ZNF135: variants seen among roughly 807,000 people sequenced by gnomAD.
ZNF135 encodes zinc finger protein 135.
Under a neutral mutation model 12.3 loss-of-function variants are expected in ZNF135, and 11 were observed. That is an observed-to-expected ratio of 0.89 (90% CI 0.56 to 1.48). The LOEUF (loss-of-function observed/expected upper bound fraction) is 1.48. Ranked by LOEUF, ZNF135 falls within the 40% of genes most tolerant of loss-of-function variation. ZNF135 has a pLI of 0.00. For synonymous variants in ZNF135, 316 were observed against 312.0 expected, an observed-to-expected ratio of 1.01 and a Z score of -0.14; for missense variants, 722 against 815.7, an observed-to-expected ratio of 0.89 and a Z score of 1.40.
chr19:58,066,826 A>C lies in ZNF135; in HGVS notation c.342A>C (p.Glu114Asp). Residue 114 changes from glutamate to aspartate, a missense_variant, in exon 5 of 5, where the codon GAA becomes GAC. Physicochemically the swap from Glu to Asp is conservative, Grantham distance 45. Transcript: ENST00000313434. ...EEISNSVILV[E>D]RFLWDGLWYC... Reference sequence around the variant, plus strand: ...TATCCAACAGTGTCATCTTGGTAGAAAGATTCCTGTGGGATGGTCTGTGGT... The same window carrying C: ...TATCCAACAGTGTCATCTTGGTAGACAGATTCCTGTGGGATGGTCTGTGGT... 6.2e-7 allele frequency: 1 copy of C among 1,614,216 alleles called. No individual in the cohort carries two copies. Among genetic ancestry groups the C allele is most frequent in the Middle Eastern group, 1.6e-4 (1 of 6,062 alleles).
Position 58,067,228 on chromosome 19 carries a change from A to G in ZNF135, c.744A>G (p.Leu248=). The change falls in exon 5 of 5, where the codon TTA becomes TTG. Residue 248 remains leucine (L), a synonymous_variant. Coordinates refer to ENST00000313434, the MANE Select transcript of ZNF135 (RefSeq NM_001289401.2). Reference sequence around the variant, plus strand: ...GACCTTACGAATGTCACGAATGCTTAAAAGGCTTCCGGAACAGCTCGGCAC... The same window carrying G: ...GACCTTACGAATGTCACGAATGCTTGAAAGGCTTCCGGAACAGCTCGGCAC... ...GERPYECHEC[L]KGFRNSSALT... is the part of the protein sequence containing the mutation. The G allele has an allele frequency of 6.2e-7, 1 of 1,614,052 alleles. No individual in the cohort carries two copies. Among genetic ancestry groups the G allele is most frequent in the Non-Finnish European group, 8.5e-7 (1 of 1,179,922 alleles).
chr19:58,063,739 G>T lies in ZNF135; in HGVS notation c.256+198G>T. 1 of 1,341,596 alleles carries T rather than the reference G, an allele frequency of 7.5e-7. No individual in the cohort carries two copies. Among genetic ancestry groups the T allele is most frequent in the Admixed American group, 3.2e-5 (1 of 31,422 alleles). The allele number at this position is 1,341,596 out of a possible 1,614,324, so 83.1% of individuals were successfully genotyped here. ...GAATTTATATTCTTGGTGAGGGAGT[G>T]GGGGAAACAAACAATAAATCGGTAA... is the stretch of plus-strand genomic sequence containing the variant. On this transcript the variant is annotated intron_variant, in intron 4 of 4. Transcript: ENST00000313434. The surrounding 1 kb of genome is among the most constrained non-coding windows in gnomAD (Gnocchi z 4.4).
rs1429408249 is a variant in ZNF135 at position 58,063,630 on chromosome 19, A to C, written c.256+89A>C. Reference sequence around the variant, plus strand: ...CTGCATCTGCTCTCTAATTCTTCAGAGCAAATTTACTACTCAGTCTTAGTG... The same window carrying C: ...CTGCATCTGCTCTCTAATTCTTCAGCGCAAATTTACTACTCAGTCTTAGTG... On this transcript the variant is annotated intron_variant, in intron 4 of 4. Coordinates refer to ENST00000313434, the MANE Select transcript of ZNF135 (RefSeq NM_001289401.2). This position sits in a 1 kb window ranked among gnomAD's most constrained non-coding sequence, Gnocchi z 4.4. The C allele has an allele frequency of 1.9e-6, 3 of 1,566,130 alleles. No individual in the cohort carries two copies. The highest frequency in any genetic ancestry group is 4.6e-5 in the East Asian group (2 of 43,452).
Position 58,059,780 on chromosome 19 carries a change from A to G in ZNF135, c.-34-189A>G. The G allele has an allele frequency of 1.5e-5, 10 of 661,678 alleles. No homozygotes were observed. Among genetic ancestry groups the G allele is most frequent in the Middle Eastern group, 8.3e-4 (2 of 2,404 alleles). 41.0% of individuals were successfully genotyped at this position (661,678 alleles called of 1,614,324 possible). On this transcript the variant is annotated intron_variant, in intron 1 of 4. Coordinates refer to ENST00000313434, the MANE Select transcript of ZNF135 (RefSeq NM_001289401.2). This position sits in a 1 kb window ranked among gnomAD's most constrained non-coding sequence, Gnocchi z 6.5. ...GCCAGGCCTTCAGCTTCCCTCAGAC[A>G]GGCGGGAAAACCCTAGGCTGCCCTT...
chr19:58,066,310 C>G (rs1186626487), intron 4 of ZNF135, among the ~76,000 whole-genome samples: 1 of 152,160 alleles, frequency 6.6e-6, no homozygotes, highest in Non-Finnish European at 1.5e-5. Flanking sequence ...GCACGTTTTT[C>G]TCTGTTGCCA....
chr19:58,067,211 G>T lies in ZNF135; in HGVS notation c.727G>T (p.Glu243Ter), dbSNP rs778635080. ...GACGCACACAGGAGAGAGACCTTAC[G>T]AATGTCACGAATGCTTAAAAGGCTT... Reference protein sequence around the residue: ...HRTHTGERPYECHECLKGFRN... With the variant: ...HRTHTGERPY The change falls in exon 5 of 5, where the codon GAA becomes TAA. Residue 243 changes from glutamate (E) to a stop codon, truncating the protein, a stop_gained. Transcript: ENST00000313434. LOFTEE classifies it low-confidence loss of function (END_TRUNC). The T allele has an allele frequency of 6.2e-7, 1 of 1,614,090 alleles. No individual in the cohort carries two copies. The highest frequency in any genetic ancestry group is 2.2e-5 in the East Asian group (1 of 44,882).
rs375338265 is a variant in ZNF135 at position 58,061,721 on chromosome 19, A to G, written c.160+15A>G. The G allele has an allele frequency of 1.1e-5, 18 of 1,602,112 alleles. No individual in the cohort carries two copies. The highest frequency in any genetic ancestry group is 1.8e-5 in the Admixed American group (1 of 56,938). Reference sequence around the variant, plus strand: ...GGTCTCTGTGGGTAAGGCCACACCCATGTCCTATCTGTTGATCTGTCCCTG... The same window carrying G: ...GGTCTCTGTGGGTAAGGCCACACCCGTGTCCTATCTGTTGATCTGTCCCTG... On this transcript the variant is annotated intron_variant, in intron 3 of 4. Transcript: ENST00000313434.
At chr19:58,066,093 A>AG (rs2074061207) in intron 4 of ZNF135, among the ~76,000 whole-genome samples, 1 of 152,190 alleles carries the variant, frequency 6.6e-6, no homozygotes. Flanking sequence ...CCTACCCTCA[A>AG]GGGGTTCCCA....
Position 58,067,724 on chromosome 19 carries a change from G to A in ZNF135, c.1240G>A (p.Glu414Lys). Residue 414 changes from glutamate to lysine, a missense_variant, in exon 5 of 5, where the codon GAG (glutamate) becomes AAG (lysine). Transcript: ENST00000313434. ...AGGAGAAAAGCCCTATGAGTGTGGTGAGTGTGGGAAAGCCTTCAGTCAGAG... is the reference window on the plus strand; with the variant it reads ...AGGAGAAAAGCCCTATGAGTGTGGTAAGTGTGGGAAAGCCTTCAGTCAGAG... ...HTGEKPYECG[E>K]CGKAFSQSTL... is the part of the protein sequence containing the mutation. The A allele has an allele frequency of 6.2e-7, 1 of 1,613,966 alleles. No individual in the cohort carries two copies. The highest frequency in any genetic ancestry group is 8.5e-7 in the Non-Finnish European group (1 of 1,179,978).
rs373032655 is a variant in ZNF135 at position 58,068,182 on chromosome 19, C to T, written c.1698C>T (p.Ile566=). The stretch of plus-strand genomic sequence containing the variant: ...CCTTCAGCCAGAGCTCCCTTCTCAT[C>T]GAACACCAGAGGATTCACACCAAGG... ...GRAFSQSSLL[I]EHQRIHTKEK... The change falls in exon 5 of 5, where the codon ATC becomes ATT. Residue 566 remains isoleucine, a synonymous_variant. Transcript: ENST00000313434. 1.9e-5 allele frequency: 30 copies of T among 1,613,876 alleles called. No homozygotes were observed. The South Asian group carries it at 1.9e-4, about 10-fold the overall frequency.
In ZNF135 at chr19:58,060,689, C is replaced by A. The variant is rs2073962107; in HGVS notation, c.33+654C>A. The stretch of plus-strand genomic sequence containing the variant: ...ATGTCAGAAAACCCGTACAAGGGGA[C>A]TGGTGCGATGGCTTGTAGCTGTAAT... On this transcript the variant is annotated intron_variant, in intron 2 of 4. Coordinates refer to ENST00000313434, the MANE Select transcript of ZNF135 (RefSeq NM_001289401.2). This position sits in a 1 kb window ranked among gnomAD's most constrained non-coding sequence, Gnocchi z 4.9. Among the ~76,000 whole-genome samples the A allele has an allele frequency of 2.0e-5, 3 of 152,184 alleles. No homozygotes were observed. Among genetic ancestry groups the A allele is most frequent in the African/African-American group, 7.2e-5 (3 of 41,442 alleles).
rs182482363 is a variant in ZNF135 at position 58,069,316 on chromosome 19, G to A, written c.*855G>A. The stretch of plus-strand genomic sequence containing the variant: ...CCCTCTACATTTCTCTGCAGAACTC[G>A]CGTTAGAAACACAGATATTTGTTTT... On this transcript the variant is annotated 3_prime_UTR_variant, in exon 5 of 5. Coordinates refer to ENST00000313434, the MANE Select transcript of ZNF135 (RefSeq NM_001289401.2). 1.4e-4 allele frequency: 21 copies of A among 152,194 alleles called. No homozygotes were observed. The highest frequency in any genetic ancestry group is 3.9e-4 in the Admixed American group (6 of 15,286). 9.4% of individuals were successfully genotyped at this position (152,194 alleles called of 1,614,324 possible). A position where few individuals can be genotyped will look rare whatever the true frequency, so the allele number is the denominator to read the frequency against.
rs1005517188 is a variant in ZNF135 at position 58,061,565 on chromosome 19, C to T, written c.34-15C>T. 7 of 1,610,124 alleles carry T rather than the reference C, an allele frequency of 4.3e-6. No homozygotes were observed. The highest frequency in any genetic ancestry group is 2.2e-5 in the South Asian group (2 of 90,346). On this transcript the variant is annotated splice_polypyrimidine_tract_variant and intron_variant, in intron 2 of 4. Transcript: ENST00000313434. ...CAGGGTTGGCTTGGCTGAGGACACT[C>T]GTGTGATGTTTCAGGAGCAAGTGAC...
Position 58,063,565 on chromosome 19 carries a change from A to G in ZNF135, c.256+24A>G, listed in dbSNP as rs1262160801. 1.2e-6 allele frequency: 2 copies of G among 1,613,568 alleles called. No individual in the cohort carries two copies. Among genetic ancestry groups the G allele is most frequent in the African/African-American group, 1.3e-5 (1 of 74,904 alleles). On this transcript the variant is annotated intron_variant, in intron 4 of 4. Transcript: ENST00000313434. The surrounding 1 kb of genome is among the most constrained non-coding windows in gnomAD (Gnocchi z 4.4). ...AGGTGAGATGGGAGCCCTTCGGGGC[A>G]GAGAGAAGCCTGTCCATGCTTGCTT...
rs187299886 is a variant in ZNF135, at chr19:58,066,688, C to T, written c.257-53C>T. 337 of 1,593,770 alleles carry T rather than the reference C, an allele frequency of 2.1e-4. 1 individual carries two copies. In the African/African-American group the frequency reaches 4.1e-3, roughly 20 times the overall value. On this transcript the variant is annotated intron_variant, in intron 4 of 4. Coordinates refer to ENST00000313434, the MANE Select transcript of ZNF135 (RefSeq NM_001289401.2). ...TCCTCTTCCCATCTCACCACAAACTCTTTTGCCGTGGAACAGAGATTAAGG... is the reference window on the plus strand; with the variant it reads ...TCCTCTTCCCATCTCACCACAAACTTTTTTGCCGTGGAACAGAGATTAAGG...
chr19:58,059,686 C>T lies in ZNF135; in HGVS notation c.-34-283C>T. On this transcript the variant is annotated intron_variant, in intron 1 of 4. Transcript: ENST00000313434. This position sits in a 1 kb window ranked among gnomAD's most constrained non-coding sequence, Gnocchi z 6.5. ...CATAGTGCCCAGGGCCAGGGGACCG[C>T]AACCACCCGGCCCTTGTCACTGTAG... 1 of 531,104 alleles carries T rather than the reference C, an allele frequency of 1.9e-6. No individual in the cohort carries two copies. Among genetic ancestry groups the T allele is most frequent in the Non-Finnish European group, 3.3e-6 (1 of 303,400 alleles). 32.9% of individuals were successfully genotyped at this position (531,104 alleles called of 1,614,324 possible).
At position 58,067,846 on chromosome 19, in the gene ZNF135, C is replaced by G. The variant is rs1772223781; in HGVS notation, c.1362C>G (p.Ser454Arg). The G allele has an allele frequency of 6.2e-7, 1 of 1,613,342 alleles. No homozygotes were observed. Among genetic ancestry groups the G allele is most frequent in the African/African-American group, 1.3e-5 (1 of 74,650 alleles). Reference protein sequence around the residue: ...GKTFSHSSSLSQHERTHTGEK... With the variant: ...GKTFSHSSSLRQHERTHTGEK... ...CCTTCAGCCACAGCTCCTCACTCAG[C>G]CAGCATGAGCGGACACACACAGGAG... Residue 454 changes from serine (S) to arginine (R), a missense_variant, in exon 5 of 5, where the codon AGC becomes AGG. Physicochemically the swap from Ser to Arg is moderately radical, Grantham distance 110 (BLOSUM62 -1). Transcript: ENST00000313434.
rs548894748 is a variant in ZNF135 at position 58,069,709 on chromosome 19, G to A, written c.*1248G>A. On this transcript the variant is annotated 3_prime_UTR_variant, in exon 5 of 5. Coordinates refer to ENST00000313434, the MANE Select transcript of ZNF135 (RefSeq NM_001289401.2). ...GCTGAGATCGTACCATTGCACTCCA[G>A]CCTGGGCAACAAGAGTGAAACTCTG... is the stretch of plus-strand genomic sequence containing the variant. 6.7e-6 allele frequency: 1 copy of A among 148,972 alleles called. No homozygotes were observed. The highest frequency in any genetic ancestry group is 2.0e-4 in the East Asian group (1 of 5,058). 9.2% of individuals were successfully genotyped at this position (148,972 alleles called of 1,614,324 possible). A position where few individuals can be genotyped will look rare whatever the true frequency, so the allele number is the denominator to read the frequency against.
chr19:58,059,999 G>A lies in ZNF135; in HGVS notation c.-4G>A, dbSNP rs761259965. 24 of 1,613,372 alleles carry A rather than the reference G, an allele frequency of 1.5e-5. No individual in the cohort carries two copies. The highest frequency in any genetic ancestry group is 2.0e-5 in the Non-Finnish European group (24 of 1,179,870). On this transcript the variant is annotated 5_prime_UTR_variant, in exon 2 of 5. Transcript: ENST00000313434. This position sits in a 1 kb window ranked among gnomAD's most constrained non-coding sequence, Gnocchi z 6.5. ...GGCCAGCCGTTCCTGCCAGAAGCCA[G>A]GGCATGACCCCTGGGGTGCGCGTCT... is the stretch of plus-strand genomic sequence containing the variant.
Sources: gnomAD v4.1 joint callset for allele counts (sites outside exome capture counted in the v4.1 genomes callset) on GRCh38, gnomAD v4.1.1 for gene constraint, Gnocchi (gnomAD v3.1) non-coding constraint, MANE v1.5 for transcripts, NCBI Gene and HGNC (gene_info 2026-07-23, HGNC 2026-07-21) for gene names.